Variants in ZNF521 observed in about 807,000 individuals in gnomAD.
ZNF521 encodes LYST-interacting protein 3.
A neutral mutation model predicts 105.5 loss-of-function variants in ZNF521; 14 were observed. That is an observed-to-expected ratio of 0.13 (90% confidence interval 0.09 to 0.21). The LOEUF (loss-of-function observed/expected upper bound fraction) is 0.21, where lower values mean the gene tolerates loss of function less well. ZNF521 is among the 10% of genes least tolerant of loss of function. The pLI, the probability that ZNF521 is intolerant of heterozygous loss-of-function variation, is 1.00. For missense variants in ZNF521, 1,233 were observed against 1,629.7 expected (o/e 0.76, Z 4.19); for synonymous variants, 635 against 606.0 (o/e 1.05, Z -0.70).
intron 5 of ZNF521, among the ~76,000 whole-genome samples, chr18:25,128,675 A>G (rs1248652271): frequency 6.6e-6 from 1 of 152,044 alleles, no homozygotes. Context: ...AGCAATAAGA[A>G]TTTGAAATTG....
At chr18:25,272,847 A>C (rs543143649) in intron 3 of ZNF521, among the ~76,000 whole-genome samples, 4 of 152,128 alleles carry the variant, frequency 2.6e-5, no homozygotes, top group Non-Finnish European at 5.9e-5. Context: ...CCACCATGGC[A>C]CATGTATACC....
At chr18:25,283,744 C>G (rs1910520410) in intron 3 of ZNF521, among the ~76,000 whole-genome samples, 1 of 152,132 alleles carries the variant, frequency 6.6e-6, no homozygotes, top group East Asian at 1.9e-4. Flanking sequence ...AGCAAAAGAT[C>G]TGAATACCCC....
chr18:25,228,738 T>C (rs549504504), intron 3 of ZNF521, among the ~76,000 whole-genome samples: 1 of 152,344 alleles, frequency 6.6e-6, no homozygotes, highest in South Asian at 2.1e-4. Context: ...AAGTTATCCA[T>C]AAAGGAATGT....
chr18:25,273,548 G>A lies in ZNF521; in HGVS notation c.221-45851C>T, dbSNP rs574876475. Reference sequence around the variant, plus strand: ...CCCGAGCTTCATTATTCATATTTACGTGACTTTGGACAAGTTATTTGCCTT... The same window carrying A: ...CCCGAGCTTCATTATTCATATTTACATGACTTTGGACAAGTTATTTGCCTT... On this transcript the variant is annotated intron_variant, in intron 3 of 7. Transcript: ENST00000361524. The A allele has an allele frequency of 7.2e-5, 11 of 152,266 alleles. No individual in the cohort carries two copies. The East Asian group carries it at 1.2e-3, about 16-fold the overall frequency. 9.4% of individuals were successfully genotyped at this position (152,266 alleles called of 1,614,324 possible).
intron 5 of ZNF521, among the ~76,000 whole-genome samples, chr18:25,116,456 G>T (rs895152095): frequency 3.3e-5 from 5 of 152,082 alleles, no homozygotes; most frequent in Admixed American, 2.0e-4. Context: ...CTTAAACATG[G>T]TTTAAAATTA....
chr18:25,155,952 A>C (rs2035135844), intron 5 of ZNF521, among the ~76,000 whole-genome samples: 1 of 152,184 alleles, frequency 6.6e-6, no homozygotes, highest in South Asian at 2.1e-4. Context: ...CATATAGAGA[A>C]TAAAACAGTG....
intron 3 of ZNF521, among the ~76,000 whole-genome samples, chr18:25,239,146 C>T (rs1306564326): frequency 1.3e-5 from 2 of 152,142 alleles, no homozygotes; most frequent in African/African-American, 4.8e-5. Context: ...ATATTCTTTG[C>T]CCTCCTATCC....
Position 25,184,742 on chromosome 18 carries a change from C to T in ZNF521, c.3658+10418G>A, listed in dbSNP as rs149482863. 3.3e-3 allele frequency among the ~76,000 whole-genome samples: 496 copies of T among 152,202 alleles called. 2 individuals carry two copies. Among genetic ancestry groups the T allele is most frequent in the African/African-American group, 0.011 (466 of 41,534 alleles). On this transcript the variant is annotated intron_variant, in intron 5 of 7. Transcript: ENST00000361524. ...ATCCTAGATTTTAGTTTGAATGCTG[C>T]GCAACAGCCCAGCCTCAGAGAGAGA... is the stretch of plus-strand genomic sequence containing the variant.
intron 3 of ZNF521, among the ~76,000 whole-genome samples, chr18:25,270,869 C>T (rs963466508): frequency 1.6e-4 from 25 of 152,180 alleles, no homozygotes; most frequent in African/African-American, 5.5e-4. Flanking sequence ...ACCGGCACAA[C>T]ACAAGGATGC....
At chr18:25,254,425 C>T (rs932440180) in intron 3 of ZNF521, among the ~76,000 whole-genome samples, 1 of 152,108 alleles carries the variant, frequency 6.6e-6, no homozygotes, top group African/African-American at 2.4e-5. Context: ...CTACCCAGGA[C>T]AGCTGTCTAT....
chr18:25,063,264 T>A (rs1035382791), intron 7 of ZNF521, among the ~76,000 whole-genome samples: 1 of 152,184 alleles, frequency 6.6e-6, no homozygotes, highest in African/African-American at 2.4e-5. Context: ...AGGGGCTCTA[T>A]CTGCCCCTGA....
intron 5 of ZNF521, among the ~76,000 whole-genome samples, chr18:25,182,825 T>C (rs1461549087): frequency 2.0e-5 from 3 of 152,176 alleles, no homozygotes; most frequent in African/African-American, 4.8e-5. Flanking sequence ...ACACATTTCA[T>C]ATAAATCTGA....
intron 3 of ZNF521, among the ~76,000 whole-genome samples, chr18:25,285,270 C>T (rs138709311): frequency 6.6e-6 from 1 of 152,258 alleles, no homozygotes; most frequent in East Asian, 1.9e-4. Flanking sequence ...CATTTTCAGG[C>T]ATTCGGAGAG....
At position 25,282,133 on chromosome 18, in the gene ZNF521, G is replaced by A. The variant is rs571339686; in HGVS notation, c.220+39875C>T. ...AAGGGTTCCAAAAAACAACTCCTCTGCTCCATTTCCTAAACTTTCTACAGT... is the reference window on the plus strand; with the variant it reads ...AAGGGTTCCAAAAAACAACTCCTCTACTCCATTTCCTAAACTTTCTACAGT... On this transcript the variant is annotated intron_variant, in intron 3 of 7. Coordinates refer to ENST00000361524, the MANE Select transcript of ZNF521 (RefSeq NM_015461.3). Among the ~76,000 whole-genome samples, 23 of 152,250 alleles carry A rather than the reference G, an allele frequency of 1.5e-4. No homozygotes were observed. The South Asian group carries it at 4.8e-3, about 32-fold the overall frequency.
intron 7 of ZNF521, chr18:25,082,841 C>CAAAAAAAAAA (rs59374351): frequency 1.4e-5 from 1 of 73,466 alleles, no homozygotes; most frequent in Non-Finnish European, 2.5e-5. Context: ...GACTCCGTCT[C>CAAAAAAAAAA]AAAAAAAAAA....
intron 2 of ZNF521, among the ~76,000 whole-genome samples, chr18:25,322,903 A>C (rs1913016973): frequency 6.6e-6 from 1 of 152,242 alleles, no homozygotes; most frequent in African/African-American, 2.4e-5. Flanking sequence ...AATGTTGAAA[A>C]GCTAAATGTT....
At chr18:25,086,966 CAAT>C (rs1438226216) in intron 7 of ZNF521, among the ~76,000 whole-genome samples, 1 of 152,138 alleles carries the variant, frequency 6.6e-6, no homozygotes, top group African/African-American at 2.4e-5. Flanking sequence ...ACTATTTTCA[CAAT>C]AATATTAGAC....
chr18:25,065,238 G>A (rs572965604), intron 7 of ZNF521, among the ~76,000 whole-genome samples: 1 of 152,098 alleles, frequency 6.6e-6, no homozygotes, highest in East Asian at 1.9e-4. Context: ...AATACAGATC[G>A]AGCACCTCCA....
At position 25,287,079 on chromosome 18, in the gene ZNF521, T is replaced by C. The variant is rs1042951065; in HGVS notation, c.220+34929A>G. ...CTAGCTTAAAATACCTTCTTTGCTA[T>C]AAGGAAAATGCTTCTCTGTAACTAA... On this transcript the variant is annotated intron_variant, in intron 3 of 7. Coordinates refer to ENST00000361524, the MANE Select transcript of ZNF521 (RefSeq NM_015461.3). Among the ~76,000 whole-genome samples, 17 of 152,300 alleles carry C rather than the reference T, an allele frequency of 1.1e-4. 1 individual carries two copies. The highest frequency in any genetic ancestry group is 4.1e-4 in the African/African-American group (17 of 41,560).
Sources: gnomAD v4.1 joint callset for allele counts (sites outside exome capture counted in the v4.1 genomes callset) on GRCh38, gnomAD v4.1.1 for gene constraint, MANE v1.5 for transcripts, NCBI Gene and HGNC (gene_info 2026-07-23, HGNC 2026-07-21) for gene names.